SURF4: variants seen among roughly 807,000 people sequenced by gnomAD.
The protein encoded by SURF4 is surfeit locus protein 4.
A neutral mutation model predicts 30.0 loss-of-function variants in SURF4; 3 were observed. The ratio of observed to expected loss-of-function variants is 0.10; its 90% CI spans 0.05 to 0.26. The LOEUF is 0.26. Among genes scored for constraint, SURF4 ranks in the 10% least tolerant of loss-of-function variants. The pLI is 1.00. For synonymous variants in SURF4, 143 were observed against 139.9 expected (o/e 1.02, Z -0.16); for missense variants, 217 against 350.8 (o/e 0.62, Z 3.05).
chr9:133,365,719 G>A (rs187285831), intron 4 of SURF4, among the ~76,000 whole-genome samples: 228 of 152,336 alleles, frequency 1.5e-3, no homozygotes, highest in Non-Finnish European at 2.6e-3. Context: ...ATAGTTAACT[G>A]AGTTTAGAAA....
chr9:133,367,510 C>A, intron 1 of SURF4, 65 bp from the exon 2 acceptor site: 3 of 1,601,492 alleles, frequency 1.9e-6, no homozygotes, highest in Non-Finnish European at 2.5e-6. Context: ...CGCTGCCAGG[C>A]ACGTCCTTGG....
At chr9:133,369,217 GTTCTGCACACAT>G (rs1837362875) in intron 1 of SURF4, among the ~76,000 whole-genome samples, 1 of 152,182 alleles carries the variant, frequency 6.6e-6, no homozygotes, top group African/African-American at 2.4e-5. Flanking sequence ...TGCAGTGTCA[GTTCTGCACACAT>G]TTACTCAGCC....
At chr9:133,366,719 G>T in intron 2 of SURF4, 44 bp from the exon 3 acceptor site, 1 of 1,586,498 alleles carries the variant, frequency 6.3e-7, no homozygotes, top group Non-Finnish European at 8.6e-7. Context: ...GGTGGGTGCC[G>T]GCGGGGAGCA....
At chr9:133,374,818 A>G (rs2130229596) in intron 1 of SURF4, among the ~76,000 whole-genome samples, 10 of 151,908 alleles carry the variant, frequency 6.6e-5, no homozygotes, top group Non-Finnish European at 1.2e-4. Context: ...TTTTTTTTAA[A>G]CCACACATAT....
At chr9:133,375,222 G>A in intron 1 of SURF4, 1 of 985,488 alleles carries the variant, frequency 1.0e-6, no homozygotes, top group Non-Finnish European at 1.2e-6. Context: ...AGGCTTCCCT[G>A]TTGCTCAGAA....
rs1409882624 is a variant in SURF4 at position 133,375,937 on chromosome 9, C to A, written c.33G>T (p.Glu11Asp). The A allele has an allele frequency of 9.7e-6, 12 of 1,232,626 alleles. No homozygotes were observed. The highest frequency in any genetic ancestry group is 1.2e-5 in the Non-Finnish European group (12 of 984,010). 76.4% of individuals were successfully genotyped at this position (1,232,626 alleles called of 1,614,324 possible). A position where few individuals can be genotyped will look rare whatever the true frequency, so the allele number is the denominator to read the frequency against. Reference sequence around the variant, plus strand: ...CAGGCCGCACCTGGTCGGCGAAGTCCTCGGCCGTGCCCATCAGGTCGTTCT... The same window carrying A: ...CAGGCCGCACCTGGTCGGCGAAGTCATCGGCCGTGCCCATCAGGTCGTTCT... MGQNDLMGTAEDFADQFLRVT... is the reference protein window; with the variant it reads MGQNDLMGTADDFADQFLRVT... Residue 11 changes from glutamate (E) to aspartate (D), a missense_variant, in exon 1 of 6, where the codon GAG becomes GAT. Physicochemically the swap from Glu to Asp is conservative, Grantham distance 45. Transcript: ENST00000371989.
intron 1 of SURF4, chr9:133,375,252 G>C: frequency 6.1e-6 from 6 of 985,476 alleles, no homozygotes; most frequent in Non-Finnish European, 7.2e-6. Context: ...GACACTTCTG[G>C]AAGGAGACTA....
chr9:133,363,247 TG>T lies in SURF4; in HGVS notation c.*245del. The T allele has an allele frequency of 1.4e-6, 1 of 690,396 alleles. No individual in the cohort carries two copies. The highest frequency in any genetic ancestry group is 2.6e-6 in the Non-Finnish European group (1 of 389,230). 42.8% of individuals were successfully genotyped at this position (690,396 alleles called of 1,614,324 possible). A position where few individuals can be genotyped will look rare whatever the true frequency, so the allele number is the denominator to read the frequency against. On this transcript the variant is annotated 3_prime_UTR_variant, in exon 6 of 6. Coordinates refer to ENST00000371989, the MANE Select transcript of SURF4 (RefSeq NM_033161.4). This position sits in a 1 kb window ranked among gnomAD's most constrained non-coding sequence, Gnocchi z 4.3. ...GGCTGTTCACTCCAAAGCCTCGGCG[TG>T]GGGGAGGCTTCCAGCTGCCAGGCTG... is the stretch of plus-strand genomic sequence containing the variant.
upstream of SURF4, chr9:133,376,145 CG>C: frequency 1.7e-6 from 2 of 1,207,704 alleles, no homozygotes; most frequent in Non-Finnish European, 2.1e-6. Flanking sequence ...GCGCGCCGCC[CG>C]GGCCCGCCCC....
chr9:133,367,552 G>A (rs2130145977), intron 1 of SURF4, 107 bp from the exon 2 acceptor site: 4 of 1,569,174 alleles, frequency 2.5e-6, no homozygotes, highest in Admixed American at 3.7e-5. Context: ...CGCTGTGGAA[G>A]GCAAGAGCTC....
At chr9:133,365,065 C>T in intron 4 of SURF4, 39 bp from the exon 5 acceptor site, 2 of 1,482,206 alleles carry the variant, frequency 1.3e-6, no homozygotes, top group Non-Finnish European at 1.8e-6. Flanking sequence ...TAAGCCTCAC[C>T]AGGATCTGGC....
upstream of SURF4, among the ~76,000 whole-genome samples, chr9:133,377,571 G>A (rs1408837580): frequency 1.3e-5 from 2 of 152,190 alleles, no homozygotes; most frequent in Non-Finnish European, 2.9e-5. Flanking sequence ...GCTGAGGCTG[G>A]AGAATCGCTT....
upstream of SURF4, chr9:133,376,510 C>T: frequency 3.7e-6 from 6 of 1,600,536 alleles, no homozygotes; most frequent in Non-Finnish European, 5.1e-6. Flanking sequence ...GCGCCCCACG[C>T]AGGGGGAGCG....
chr9:133,377,127 G>A (rs915662546), upstream of SURF4, among the ~76,000 whole-genome samples: 2 of 152,188 alleles, frequency 1.3e-5, no homozygotes, highest in Non-Finnish European at 2.9e-5. Flanking sequence ...TGGAAGAATT[G>A]TCTTTGTGTG....
At chr9:133,372,058 G>C (rs1837539622) in intron 1 of SURF4, among the ~76,000 whole-genome samples, 2 of 152,222 alleles carry the variant, frequency 1.3e-5, no homozygotes. Context: ...AGGCAATGAG[G>C]AGCAGCTGCA....
intron 5 of SURF4, 61 bp downstream of exon 5, chr9:133,364,779 G>C: frequency 6.4e-7 from 1 of 1,561,686 alleles, no homozygotes; most frequent in Non-Finnish European, 8.8e-7. Flanking sequence ...GCAGGGAGGG[G>C]GTGGGGGAGG....
At chr9:133,374,120 C>G (rs2130220438) in intron 1 of SURF4, among the ~76,000 whole-genome samples, 1 of 152,162 alleles carries the variant, frequency 6.6e-6, no homozygotes, top group Non-Finnish European at 1.5e-5. Context: ...CTTCCCTCAG[C>G]TATGAGGAGC....
At chr9:133,366,264 A>T (rs1311009899) in intron 3 of SURF4, among the ~76,000 whole-genome samples, 1 of 152,232 alleles carries the variant, frequency 6.6e-6, no homozygotes, top group Non-Finnish European at 1.5e-5. Flanking sequence ...GTGGATTCAG[A>T]TATTCTGTTC....
chr9:133,376,349 G>A, upstream of SURF4: 2 of 1,379,796 alleles, frequency 1.4e-6, no homozygotes, highest in Non-Finnish European at 1.9e-6. Context: ...TGGGGCCAGC[G>A]CGCGGGAGGG....
Sources: gnomAD v4.1 joint callset for allele counts (sites outside exome capture counted in the v4.1 genomes callset) on GRCh38, gnomAD v4.1.1 for gene constraint, Gnocchi (gnomAD v3.1) non-coding constraint, MANE v1.5 for transcripts, NCBI Gene and HGNC (gene_info 2026-07-23, HGNC 2026-07-21) for gene names.